EP400: variants seen among roughly 807,000 people sequenced by gnomAD.
The protein encoded by EP400 is E1A binding protein p400.
In EP400, 105 loss-of-function variants were observed where a neutral mutation model predicts 354.1. The ratio of observed to expected loss-of-function variants is 0.30; its 90% CI spans 0.25 to 0.35. The LOEUF is 0.35. Ranked by LOEUF, EP400 falls within the 10% of genes least tolerant of loss-of-function variation. EP400 has a pLI of 1.00. For synonymous variants in EP400, 1,646 were observed against 1,716.9 expected (o/e 0.96, Z 1.02); for missense variants, 3,280 against 4,121.0 (o/e 0.80, Z 5.59).
chr12:132,050,373 G>C lies in EP400; in HGVS notation c.7251G>C (p.Glu2417Asp). ...LRTSQIYAQD[E>D]NATHTQLYTS... ...CGAGCCAGATCTATGCCCAGGATGA[G>C]AATGCCACACACACCCAGCTGTACA... is the stretch of plus-strand genomic sequence containing the variant. The change falls in exon 40 of 53, where the codon GAG becomes GAC. Residue 2417 changes from glutamate to aspartate, a missense_variant. This residue lies in a region of EP400 where 84 missense variants were observed against 133.0 expected (regional missense o/e 0.63). Coordinates refer to ENST00000389561, the MANE Select transcript of EP400 (RefSeq NM_015409.5). This position sits in a 1 kb window ranked among gnomAD's most constrained non-coding sequence, Gnocchi z 4.8. 1 of 1,614,114 alleles carries C rather than the reference G, an allele frequency of 6.2e-7. No homozygotes were observed. The highest frequency in any genetic ancestry group is 8.5e-7 in the Non-Finnish European group (1 of 1,180,028).
intron 1 of EP400, among the ~76,000 whole-genome samples, chr12:131,951,065 A>ATTTTTT (rs750396319): frequency 9.1e-4 from 95 of 104,138 alleles, no homozygotes; most frequent in African/African-American, 3.0e-3. Context: ...ACGCCTGGCT[A>ATTTTTT]TTTTTTTTTT....
Position 132,066,886 on chromosome 12 carries a change from T to C in EP400, c.8666T>C (p.Val2889Ala). 6.2e-7 allele frequency: 1 copy of C among 1,613,776 alleles called. No individual in the cohort carries two copies. Among genetic ancestry groups the C allele is most frequent in the Non-Finnish European group, 8.5e-7 (1 of 1,179,874 alleles). Reference protein sequence around the residue: ...KPPVVSVPAAVVSSPGVTTLP... With the variant: ...KPPVVSVPAAAVSSPGVTTLP... ...CCGGTGGTGTCCGTCCCGGCAGCTG[T>C]GGTCTCCTCACCGGGAGTCACCACC... is the stretch of plus-strand genomic sequence containing the variant. Residue 2889 changes from valine (V) to alanine (A), a missense_variant, in exon 49 of 53, where the codon GTG (valine) becomes GCG (alanine). Physicochemically the swap from Val to Ala is moderately conservative, Grantham distance 64 (BLOSUM62 0). Transcript: ENST00000389561.
chr12:131,973,831 C>T (rs1340128247), intron 2 of EP400, among the ~76,000 whole-genome samples: 2 of 151,978 alleles, frequency 1.3e-5, no homozygotes, highest in African/African-American at 2.4e-5. Flanking sequence ...ATAAAAAATA[C>T]TACTAATATT....
At position 132,028,107 on chromosome 12, in the gene EP400, G is replaced by C; in HGVS notation, c.5200G>C (p.Asp1734His). 6.2e-7 allele frequency: 1 copy of C among 1,614,238 alleles called. No individual in the cohort carries two copies. The highest frequency in any genetic ancestry group is 8.5e-7 in the Non-Finnish European group (1 of 1,180,052). ...TTCTCAAGCTCCAGTCTATGGCAGA[G>C]ACTTGCTAAGGATTTGTGCCCTGCC... Reference protein sequence around the residue: ...RCSQAPVYGRDLLRICALPSH... With the variant: ...RCSQAPVYGRHLLRICALPSH... Residue 1734 changes from aspartate to histidine, a missense_variant, in exon 27 of 53, where the codon GAC becomes CAC. Physicochemically the swap from Asp to His is moderately conservative, Grantham distance 81. Transcript: ENST00000389561.
rs1160391648 is a variant in EP400 at position 132,031,848 on chromosome 12, C to T, written c.5755-105C>T. On this transcript the variant is annotated intron_variant, in intron 29 of 52. Coordinates refer to ENST00000389561, the MANE Select transcript of EP400 (RefSeq NM_015409.5). ...GGGATTACAGGTGTGAGCCGCCACG[C>T]CCGGCCTGCTGTGGGATTATTTCTA... 4.8e-6 allele frequency: 6 copies of T among 1,252,476 alleles called. No homozygotes were observed. In the South Asian group the frequency reaches 7.1e-5, roughly 15 times the overall value. 77.6% of individuals were successfully genotyped at this position (1,252,476 alleles called of 1,614,324 possible).
At chr12:131,962,169 G>GA (rs1420484315) in intron 2 of EP400, among the ~76,000 whole-genome samples, 1 of 152,204 alleles carries the variant, frequency 6.6e-6, no homozygotes, top group Non-Finnish European at 1.5e-5. Context: ...GTGTCAGGAG[G>GA]AAGGGACGGA....
intron 39 of EP400, among the ~76,000 whole-genome samples, chr12:132,046,559 A>G (rs746433540): frequency 2.0e-5 from 3 of 152,134 alleles, no homozygotes; most frequent in Non-Finnish European, 2.9e-5. Context: ...GCAAATGTTT[A>G]TTTACGTGTA....
At chr12:131,957,839 G>A (rs1036439899) in intron 1 of EP400, among the ~76,000 whole-genome samples, 7 of 151,798 alleles carry the variant, frequency 4.6e-5, no homozygotes, top group Admixed American at 3.9e-4. Flanking sequence ...CCAGTGATCC[G>A]CCTATCTTGG....
chr12:132,047,652 G>C (rs1180098671), intron 39 of EP400, among the ~76,000 whole-genome samples: 3 of 152,210 alleles, frequency 2.0e-5, no homozygotes, highest in African/African-American at 7.2e-5. Context: ...GAGATCACAG[G>C]ACCACAGGAC....
At position 132,021,198 on chromosome 12, in the gene EP400, A is replaced by G; in HGVS notation, c.4567A>G (p.Thr1523Ala). 1 of 1,600,270 alleles carries G rather than the reference A, an allele frequency of 6.2e-7. No homozygotes were observed. Among genetic ancestry groups the G allele is most frequent in the Non-Finnish European group, 8.5e-7 (1 of 1,179,434 alleles). The change falls in exon 23 of 53, where the codon ACA becomes GCA. Residue 1523 changes from threonine to alanine, a missense_variant. Thr to Ala is a moderately conservative substitution (Grantham distance 58). Coordinates refer to ENST00000389561, the MANE Select transcript of EP400 (RefSeq NM_015409.5). ...AHPAKLRAQT[T>A]AQASTPGQPP... ...TCCTGCGAAACTGCGGGCCCAGACC[A>G]CAGCACAGGCCTCCACCCCAGGCCA...
chr12:131,966,633 G>C (rs1022646400), intron 2 of EP400, among the ~76,000 whole-genome samples: 2 of 149,720 alleles, frequency 1.3e-5, no homozygotes, highest in Non-Finnish European at 3.0e-5. Context: ...GCCGGGCGTG[G>C]TAGCTCATGC....
intron 39 of EP400, among the ~76,000 whole-genome samples, chr12:132,049,882 G>A (rs912534835): frequency 7.9e-5 from 12 of 152,224 alleles, no homozygotes; most frequent in Non-Finnish European, 1.5e-4. Flanking sequence ...TGTACTTTGA[G>A]ACACCACTGG....
rs1892986496 is a variant in EP400, at chr12:131,990,198, GA to G, written c.2550+96del. 6.8e-7 allele frequency: 1 copy of G among 1,462,476 alleles called. No individual in the cohort carries two copies. The highest frequency in any genetic ancestry group is 9.2e-7 in the Non-Finnish European group (1 of 1,090,858). The allele number at this position is 1,462,476 out of a possible 1,614,324, so 90.6% of individuals were successfully genotyped here. A position where few individuals can be genotyped will look rare whatever the true frequency, so the allele number is the denominator to read the frequency against. ...ACCAGAGCTCGGGCACCTTGCTTAG[GA>G]AGCTTTCGAGCACCAGAGTCAGCAA... is the stretch of plus-strand genomic sequence containing the variant. On this transcript the variant is annotated intron_variant, in intron 8 of 52. Transcript: ENST00000389561. The surrounding 1 kb of genome is among the most constrained non-coding windows in gnomAD (Gnocchi z 4.2).
chr12:131,981,380 A>G (rs945746817), intron 3 of EP400, 109 bp from the exon 4 acceptor site: 5 of 795,550 alleles, frequency 6.3e-6, no homozygotes, highest in Non-Finnish European at 8.1e-6. Flanking sequence ...TAGTTCATGT[A>G]TAGAAAGGCC....
chr12:131,988,451 GAGTT>G (rs750706591), intron 7 of EP400, among the ~76,000 whole-genome samples: 3 of 152,324 alleles, frequency 2.0e-5, no homozygotes, highest in African/African-American at 4.8e-5. Context: ...GAGAGGCTAA[GAGTT>G]AGAAGGCACC....
intron 12 of EP400, among the ~76,000 whole-genome samples, chr12:131,995,419 A>T (rs1243670844): frequency 6.6e-6 from 1 of 151,542 alleles, no homozygotes. Flanking sequence ...TGAGAACTTC[A>T]TGTGAATGAA....
intron 6 of EP400, among the ~76,000 whole-genome samples, chr12:131,987,121 G>C (rs1330805712): frequency 6.6e-6 from 1 of 152,212 alleles, no homozygotes; most frequent in African/African-American, 2.4e-5. Flanking sequence ...CCTGCAGGCT[G>C]TGAGGTCCCT....
chr12:132,023,978 T>C (rs769738385), intron 24 of EP400, 37 bp downstream of exon 24: 1 of 1,520,578 alleles, frequency 6.6e-7, no homozygotes, highest in South Asian at 1.3e-5. Context: ...ATGCCAAAAA[T>C]GACAAAAGCG....
At chr12:132,030,274 A>G in intron 29 of EP400, 116 bp downstream of exon 29, 1 of 1,229,292 alleles carries the variant, frequency 8.1e-7, no homozygotes, top group East Asian at 2.4e-5. Flanking sequence ...GGAGGGACTT[A>G]ATGAGCTTCT....
Sources: allele counts gnomAD v4.1 joint callset (sites outside exome capture counted in the v4.1 genomes callset), GRCh38; gene constraint gnomAD v4.1.1; regional missense constraint gnomAD v4.1.1; non-coding constraint Gnocchi (gnomAD v3.1); transcripts MANE v1.5; gene names NCBI Gene and HGNC (gene_info 2026-07-23, HGNC 2026-07-21).